Variants in KLHL1 observed in about 807,000 individuals in gnomAD.
KLHL1 encodes kelch-like protein 1.
A neutral mutation model predicts 77.7 loss-of-function variants in KLHL1; 47 were observed. The ratio of observed to expected loss-of-function variants is 0.60; its 90% confidence interval spans 0.48 to 0.77. The LOEUF is 0.77. KLHL1 is among the 30% of genes least tolerant of loss of function. KLHL1 has a pLI of 0.00. For synonymous variants in KLHL1, 360 were observed against 325.2 expected, an observed-to-expected ratio of 1.11 and a Z score of -1.15; for missense variants, 925 against 910.8, an observed-to-expected ratio of 1.02 and a Z score of -0.20.
Position 69,789,443 on chromosome 13 carries a change from C to CAA in KLHL1, c.1639+7293_1639+7294dup, listed in dbSNP as rs1444967383. ...GAGTCGAGGAATCTGAGATTAAATC[C>CAA]AAAGTTTTCCTTGTAACGTGATGTG... On this transcript the variant is annotated intron_variant, in intron 7 of 10. Transcript: ENST00000377844. 5.3e-5 allele frequency among the ~76,000 whole-genome samples: 8 copies of CAA among 151,952 alleles called. No homozygotes were observed. The South Asian group carries it at 8.3e-4, about 16-fold the overall frequency.
intron 7 of KLHL1, among the ~76,000 whole-genome samples, chr13:69,796,314 G>A (rs923116577): frequency 6.6e-6 from 1 of 152,178 alleles, no homozygotes; most frequent in Non-Finnish European, 1.5e-5. Flanking sequence ...GATCTCCAGT[G>A]TCAGAGGTGG....
intron 3 of KLHL1, among the ~76,000 whole-genome samples, chr13:69,960,989 T>C (rs182232309): frequency 6.6e-6 from 1 of 152,052 alleles, no homozygotes; most frequent in Non-Finnish European, 1.5e-5. Context: ...GAATCTCTTT[T>C]CTTTCCTAAG....
chr13:70,064,578 T>C (rs2137409582), intron 1 of KLHL1, among the ~76,000 whole-genome samples: 1 of 152,340 alleles, frequency 6.6e-6, no homozygotes, highest in East Asian at 1.9e-4. Flanking sequence ...TTTCATGTTT[T>C]CCATTTTTCA....
intron 1 of KLHL1, 71 bp from the exon 2 acceptor site, chr13:69,975,873 A>C: frequency 3.5e-6 from 5 of 1,441,854 alleles, no homozygotes; most frequent in Non-Finnish European, 4.5e-6. Flanking sequence ...ATTATCTAGA[A>C]TAACATACAG....
intron 7 of KLHL1, among the ~76,000 whole-genome samples, chr13:69,761,554 T>C (rs1245645004): frequency 1.3e-5 from 2 of 152,184 alleles, no homozygotes; most frequent in African/African-American, 2.4e-5. Flanking sequence ...TGGTGGACAA[T>C]AATTAATTGA....
At chr13:69,944,377 C>T (rs1883453161) in intron 3 of KLHL1, among the ~76,000 whole-genome samples, 1 of 152,178 alleles carries the variant, frequency 6.6e-6, no homozygotes, top group Non-Finnish European at 1.5e-5. Flanking sequence ...GAAGTCTGTA[C>T]CTGGTTTCAT....
At chr13:70,051,516 T>C (rs1488799200) in intron 1 of KLHL1, among the ~76,000 whole-genome samples, 1 of 152,088 alleles carries the variant, frequency 6.6e-6, no homozygotes, top group African/African-American at 2.4e-5. Context: ...AGTGCGTGGA[T>C]ATTTCCTATT....
At chr13:69,914,677 G>T (rs1281102232) in intron 4 of KLHL1, among the ~76,000 whole-genome samples, 1 of 152,092 alleles carries the variant, frequency 6.6e-6, no homozygotes, top group Non-Finnish European at 1.5e-5. Context: ...ATGTGCTTTA[G>T]CTTATTATTT....
intron 1 of KLHL1, among the ~76,000 whole-genome samples, chr13:70,084,480 G>T (rs1249893234): frequency 6.5e-4 from 12 of 18,472 alleles, no homozygotes; most frequent in Admixed American, 1.1e-3. Context: ...TTTTTTTTGA[G>T]ACGGAGTCTC....
chr13:70,039,389 T>C (rs1394918807), intron 1 of KLHL1, among the ~76,000 whole-genome samples: 2 of 152,106 alleles, frequency 1.3e-5, no homozygotes, highest in African/African-American at 4.8e-5. Flanking sequence ...TGGCCTCTTT[T>C]ATCATTTTCT....
At chr13:69,992,641 C>G (rs1885054807) in intron 1 of KLHL1, among the ~76,000 whole-genome samples, 2 of 151,962 alleles carry the variant, frequency 1.3e-5, no homozygotes, top group African/African-American at 4.8e-5. Flanking sequence ...CTTCTGGATA[C>G]AGAATGATCC....
chr13:69,850,224 T>C (rs1199308761), intron 5 of KLHL1, among the ~76,000 whole-genome samples: 1 of 151,638 alleles, frequency 6.6e-6, no homozygotes, highest in Non-Finnish European at 1.5e-5. Context: ...CTTCCTGTAA[T>C]TGACTTTGTC....
intron 5 of KLHL1, among the ~76,000 whole-genome samples, chr13:69,850,732 T>G (rs1879652631): frequency 6.6e-6 from 1 of 151,748 alleles, no homozygotes. Flanking sequence ...TCCTGCTGTC[T>G]TGTTTTAATT....
intron 3 of KLHL1, among the ~76,000 whole-genome samples, chr13:69,952,699 A>C (rs564127434): frequency 3.2e-4 from 48 of 151,492 alleles, no homozygotes; most frequent in African/African-American, 1.1e-3. Flanking sequence ...TGCACTTAGC[A>C]TCCTTCAACT....
At chr13:70,001,653 T>C (rs994435651) in intron 1 of KLHL1, among the ~76,000 whole-genome samples, 3 of 124,034 alleles carry the variant, frequency 2.4e-5, no homozygotes, top group African/African-American at 8.8e-5. Context: ...GGGATATCTA[T>C]CTATTATCTA....
At chr13:69,958,513 T>C (rs1883963078) in intron 3 of KLHL1, among the ~76,000 whole-genome samples, 2 of 152,016 alleles carry the variant, frequency 1.3e-5, no homozygotes, top group East Asian at 1.9e-4. Flanking sequence ...TTTATCCATG[T>C]ACTTTGTCCT....
intron 2 of KLHL1, 140 bp from the exon 3 acceptor site, chr13:69,961,584 A>G: frequency 1.2e-6 from 1 of 830,092 alleles, no homozygotes. Flanking sequence ...CATGAGTTGT[A>G]CTTTACAAAA....
At chr13:69,715,875 A>T (rs1053500168) in intron 9 of KLHL1, among the ~76,000 whole-genome samples, 1 of 152,158 alleles carries the variant, frequency 6.6e-6, no homozygotes, top group African/African-American at 2.4e-5. Context: ...TTTGATACTC[A>T]TTTGTTAATA....
intron 4 of KLHL1, among the ~76,000 whole-genome samples, chr13:69,923,572 C>A (rs2138268237): frequency 6.6e-6 from 1 of 152,196 alleles, no homozygotes; most frequent in Middle Eastern, 3.4e-3. Context: ...ATTATTACTA[C>A]TATGTTATCT....
Sources: gnomAD v4.1 joint callset for allele counts (sites outside exome capture counted in the v4.1 genomes callset) on GRCh38, gnomAD v4.1.1 for gene constraint, MANE v1.5 for transcripts, NCBI Gene and HGNC (gene_info 2026-07-23, HGNC 2026-07-21) for gene names.